CRACR2A: variants seen among roughly 807,000 people sequenced by gnomAD.
CRACR2A encodes the protein calcium release activated channel regulator 2A.
A neutral mutation model predicts 90.5 loss-of-function variants in CRACR2A; 79 were observed. The ratio of observed to expected loss-of-function variants is 0.87; its 90% CI spans 0.73 to 1.05. The LOEUF is 1.05. CRACR2A is among the 50% of genes least tolerant of loss of function. CRACR2A has a pLI of 0.00. For synonymous variants in CRACR2A, 338 were observed against 356.7 expected (o/e 0.95, Z 0.59); for missense variants, 823 against 897.2 (o/e 0.92, Z 1.06).
intron 1 of CRACR2A, among the ~76,000 whole-genome samples, chr12:3,744,915 T>G (rs1946586792): frequency 6.6e-6 from 1 of 152,144 alleles, no homozygotes; most frequent in Admixed American, 6.5e-5. Flanking sequence ...GCAGTATACT[T>G]AAAATGGTTA....
chr12:3,752,039 C>A (rs915768920), intron 1 of CRACR2A, among the ~76,000 whole-genome samples: 1 of 152,154 alleles, frequency 6.6e-6, no homozygotes. Context: ...AAAGACTCTT[C>A]GGTACATGCT....
chr12:3,627,721 G>T lies in CRACR2A; in HGVS notation c.1736-15C>A, dbSNP rs911361885. ...GTAATCAATGCCTGCAGGGTGAAATGGGCCTGTCAGGGCTGCCCTGGGCCA... is the reference window on the plus strand; with the variant it reads ...GTAATCAATGCCTGCAGGGTGAAATTGGCCTGTCAGGGCTGCCCTGGGCCA... On this transcript the variant is annotated splice_polypyrimidine_tract_variant and intron_variant, in intron 15 of 19. Coordinates refer to ENST00000440314, the MANE Select transcript of CRACR2A (RefSeq NM_001144958.2). 2 of 1,551,240 alleles carry T rather than the reference G, an allele frequency of 1.3e-6. No individual in the cohort carries two copies. Among genetic ancestry groups the T allele is most frequent in the Admixed American group, 2.0e-5 (1 of 50,990 alleles).
chr12:3,661,022 T>TA (rs1945024011), intron 7 of CRACR2A, among the ~76,000 whole-genome samples: 1 of 152,156 alleles, frequency 6.6e-6, no homozygotes, highest in Non-Finnish European at 1.5e-5. Context: ...GAACTGAACA[T>TA]AAAGGATGGG....
intron 6 of CRACR2A, among the ~76,000 whole-genome samples, chr12:3,676,699 C>T (rs111266157): frequency 4.3e-4 from 66 of 152,182 alleles, no homozygotes; most frequent in African/African-American, 1.5e-3. Context: ...GCTTCCAGAA[C>T]TGCCAGAAAT....
At chr12:3,745,599 C>A (rs993366268) in intron 1 of CRACR2A, among the ~76,000 whole-genome samples, 1 of 151,678 alleles carries the variant, frequency 6.6e-6, no homozygotes, top group Non-Finnish European at 1.5e-5. Flanking sequence ...GATGGAGAAA[C>A]CCCGTCTCTA....
At chr12:3,698,420 T>C (rs559028802) in intron 3 of CRACR2A, among the ~76,000 whole-genome samples, 4 of 152,326 alleles carry the variant, frequency 2.6e-5, no homozygotes, top group Admixed American at 1.3e-4. Context: ...AGCTATACCA[T>C]GTCCAGAGCA....
At chr12:3,636,483 G>C (rs1323801946) in intron 14 of CRACR2A, among the ~76,000 whole-genome samples, 1 of 152,240 alleles carries the variant, frequency 6.6e-6, no homozygotes, top group African/African-American at 2.4e-5. Flanking sequence ...TCTCCCCTCT[G>C]AGCTCTGACT....
chr12:3,669,426 T>C (rs1945202619), intron 7 of CRACR2A, among the ~76,000 whole-genome samples: 1 of 152,224 alleles, frequency 6.6e-6, no homozygotes, highest in Non-Finnish European at 1.5e-5. Flanking sequence ...TCCGCACATC[T>C]GCACTGTGAA....
intron 3 of CRACR2A, among the ~76,000 whole-genome samples, chr12:3,700,423 G>T (rs560243344): frequency 3.9e-5 from 6 of 152,326 alleles, no homozygotes; most frequent in African/African-American, 1.2e-4. Context: ...CACAGGCACA[G>T]CTTGGTAGAC....
At chr12:3,643,647 G>C (rs1944613659) in intron 12 of CRACR2A, among the ~76,000 whole-genome samples, 2 of 149,534 alleles carry the variant, frequency 1.3e-5, no homozygotes, top group Admixed American at 6.8e-5. Context: ...CCACAGTGAA[G>C]ACCTTCAAAT....
At chr12:3,682,666 T>G (rs1196152497) in intron 4 of CRACR2A, among the ~76,000 whole-genome samples, 1 of 152,226 alleles carries the variant, frequency 6.6e-6, no homozygotes, top group Non-Finnish European at 1.5e-5. Flanking sequence ...AAAAATCTTT[T>G]AGTCTTAATA....
intron 4 of CRACR2A, among the ~76,000 whole-genome samples, chr12:3,690,102 G>GA (rs936582208): frequency 3.1e-4 from 46 of 150,300 alleles, no homozygotes; most frequent in African/African-American, 1.1e-3. Flanking sequence ...TTCAAAAAAA[G>GA]AAAAAACCTC....
chr12:3,659,886 G>A (rs952978025), intron 7 of CRACR2A, among the ~76,000 whole-genome samples: 22 of 152,240 alleles, frequency 1.4e-4, no homozygotes, highest in Admixed American at 4.6e-4. Context: ...GGTTTCATGT[G>A]GCCTCTCCTC....
intron 14 of CRACR2A, 134 bp downstream of exon 14, chr12:3,637,990 A>G: frequency 7.1e-6 from 6 of 848,588 alleles, no homozygotes; most frequent in Non-Finnish European, 1.1e-5. Context: ...TGGTATTTGG[A>G]GGACACATAT....
At position 3,626,093 on chromosome 12, in the gene CRACR2A, A is replaced by C. The variant is rs139682462; in HGVS notation, c.1932+1343T>G. ...AAGTGCGTCAGGCACAGTAATTTTG[A>C]GAAATAACAGGTAGTAGGCAAATTC... is the stretch of plus-strand genomic sequence containing the variant. On this transcript the variant is annotated intron_variant, in intron 17 of 19. Coordinates refer to ENST00000440314, the MANE Select transcript of CRACR2A (RefSeq NM_001144958.2). Among the ~76,000 whole-genome samples the C allele has an allele frequency of 3.7e-3, 571 of 152,344 alleles. 6 individuals are homozygous for C. Among genetic ancestry groups the C allele is most frequent in the African/African-American group, 0.013 (538 of 41,566 alleles).
chr12:3,662,847 GGCTC>G (rs2137518168), intron 7 of CRACR2A, among the ~76,000 whole-genome samples: 1 of 152,332 alleles, frequency 6.6e-6, no homozygotes, highest in South Asian at 2.1e-4. Flanking sequence ...CATTCAGCAA[GGCTC>G]GCCATATTCT....
intron 3 of CRACR2A, among the ~76,000 whole-genome samples, chr12:3,707,594 G>A (rs1345916410): frequency 6.6e-6 from 1 of 152,164 alleles, no homozygotes; most frequent in Non-Finnish European, 1.5e-5. Context: ...GGTATCTGGT[G>A]GTTAATTAGA....
At chr12:3,687,902 T>C (rs12369992) in intron 4 of CRACR2A, among the ~76,000 whole-genome samples, 3,904 of 152,336 alleles carry the variant, frequency 0.026, 90 homozygotes, top group Middle Eastern at 0.075. Flanking sequence ...TGTGAGATGG[T>C]ATCTCATTGT....
At position 3,633,551 on chromosome 12, in the gene CRACR2A, A is replaced by G; in HGVS notation, c.1735+53T>C. On this transcript the variant is annotated intron_variant, in intron 15 of 19. Coordinates refer to ENST00000440314, the MANE Select transcript of CRACR2A (RefSeq NM_001144958.2). This position sits in a 1 kb window ranked among gnomAD's most constrained non-coding sequence, Gnocchi z 4.5. ...TCCCTGCCCCGGGCCCCCTTCTCAC[A>G]AACTCCCTTCCCAAAGATGGGCCTA... is the stretch of plus-strand genomic sequence containing the variant. 2 of 1,548,736 alleles carry G rather than the reference A, an allele frequency of 1.3e-6. No homozygotes were observed. The highest frequency in any genetic ancestry group is 1.7e-6 in the Non-Finnish European group (2 of 1,145,100).
Sources: allele counts gnomAD v4.1 joint callset (sites outside exome capture counted in the v4.1 genomes callset), GRCh38; gene constraint gnomAD v4.1.1; non-coding constraint Gnocchi (gnomAD v3.1); transcripts MANE v1.5; gene names NCBI Gene and HGNC (gene_info 2026-07-23, HGNC 2026-07-21).